Variants in LARGE1 observed in about 807,000 individuals in gnomAD.
The protein encoded by LARGE1 is xylosyl- and glucuronyltransferase LARGE1.
Under a neutral mutation model 87.6 loss-of-function variants are expected in LARGE1, and 43 were observed. The ratio of observed to expected loss-of-function variants is 0.49; its 90% CI spans 0.38 to 0.63. LARGE1 has a LOEUF of 0.63. LARGE1 is among the 30% of genes least tolerant of loss of function. The pLI is 0.00. For missense variants in LARGE1, 802 were observed against 1,000.2 expected (o/e 0.80, Z 2.67); for synonymous variants, 434 against 394.6 (o/e 1.10, Z -1.18).
intron 3 of LARGE1, among the ~76,000 whole-genome samples, chr22:33,650,143 C>T (rs1373282006): frequency 6.6e-6 from 1 of 152,208 alleles, no homozygotes; most frequent in African/African-American, 2.4e-5. Flanking sequence ...GTAGATTACG[C>T]CTTCTTATCC....
In LARGE1 at chr22:33,604,568, G is replaced by A. The variant is rs1452229191; in HGVS notation, c.492-10C>T. The A allele has an allele frequency of 9.3e-6, 15 of 1,613,954 alleles. No homozygotes were observed. The highest frequency in any genetic ancestry group is 1.3e-5 in the Non-Finnish European group (15 of 1,179,958). Reference sequence around the variant, plus strand: ...GTGCAGAGGGTTCCGTCTGTGGGGAGTGTGAGAAGGAAGGGTCAGGTGGAG... The same window carrying A: ...GTGCAGAGGGTTCCGTCTGTGGGGAATGTGAGAAGGAAGGGTCAGGTGGAG... On this transcript the variant is annotated splice_polypyrimidine_tract_variant and intron_variant, in intron 4 of 14. Transcript: ENST00000397394.
At chr22:33,565,087 T>A in intron 5 of LARGE1, 68 bp from the exon 6 acceptor site, 1 of 1,393,464 alleles carries the variant, frequency 7.2e-7, no homozygotes, top group Non-Finnish European at 1.0e-6. Flanking sequence ...ATTCTTTGCT[T>A]AAACATTATA....
At chr22:33,514,575 A>C (rs2071211772) in intron 6 of LARGE1, among the ~76,000 whole-genome samples, 1 of 152,250 alleles carries the variant, frequency 6.6e-6, no homozygotes, top group African/African-American at 2.4e-5. Context: ...GATTTAAAGT[A>C]TGCAGGAGAT....
chr22:33,226,919 C>T lies in LARGE1; in HGVS notation c.1731-60087G>A, dbSNP rs573221993. 9.5e-4 allele frequency among the ~76,000 whole-genome samples: 144 copies of T among 152,044 alleles called. 1 individual carries two copies. Among genetic ancestry groups the T allele is most frequent in the African/African-American group, 2.9e-3 (119 of 41,516 alleles). ...TAATTTTTTGTATTTTTAGTAGAGA[C>T]GGGGTTTCACCGTGTTAGCCAAGAT... is the stretch of plus-strand genomic sequence containing the variant. On this transcript the variant is annotated intron_variant, in intron 11 of 11. Transcript: ENST00000608642.
intron 2 of LARGE1, among the ~76,000 whole-genome samples, chr22:33,679,068 A>G (rs866963773): frequency 2.0e-3 from 298 of 152,304 alleles, no homozygotes; most frequent in African/African-American, 7.0e-3. Context: ...TCTCCAGATA[A>G]TATTTTTTGT....
At chr22:33,572,043 G>A (rs1569280464) in intron 5 of LARGE1, 4 of 424,200 alleles carry the variant, frequency 9.4e-6, no homozygotes, top group Admixed American at 6.6e-5. Flanking sequence ...AAGGGTAATA[G>A]TAGTATATCC....
chr22:33,562,198 A>AC (rs1244043585), intron 6 of LARGE1, among the ~76,000 whole-genome samples: 1 of 152,230 alleles, frequency 6.6e-6, no homozygotes, highest in Non-Finnish European at 1.5e-5. Flanking sequence ...AAACAATCAC[A>AC]CACATACAAA....
chr22:33,490,889 C>T (rs2148285856), intron 6 of LARGE1, among the ~76,000 whole-genome samples: 1 of 152,310 alleles, frequency 6.6e-6, no homozygotes, highest in African/African-American at 2.4e-5. Context: ...CTCTTCCTAC[C>T]ATTGTCGCCA....
chr22:33,919,908 G>C (rs998142228), intron 1 of LARGE1, 87 bp downstream of exon 1: 1 of 152,316 alleles, frequency 6.6e-6, no homozygotes, highest in Non-Finnish European at 1.5e-5. Context: ...CCGAGTACAG[G>C]GGGTACCAGC....
intron 1 of LARGE1, among the ~76,000 whole-genome samples, chr22:33,899,087 A>T (rs1307576258): frequency 1.3e-5 from 2 of 152,110 alleles, no homozygotes; most frequent in African/African-American, 2.4e-5. Context: ...AGCCATTCCC[A>T]TTTCAATTAC....
At chr22:33,648,677 T>C (rs1278255588) in intron 3 of LARGE1, among the ~76,000 whole-genome samples, 2 of 152,292 alleles carry the variant, frequency 1.3e-5, no homozygotes, top group East Asian at 3.9e-4. Context: ...CATAGAGATA[T>C]TAAGTAACAG....
chr22:33,113,196 C>G, the LARGE1 span, among the ~76,000 whole-genome samples: 659 of 148,076 alleles, frequency 4.5e-3, 7 homozygotes, highest in African/African-American at 0.016. Flanking sequence ...ATTTACGTCA[C>G]TTAATTATCT....
At chr22:33,447,326 A>G (rs534859578) in intron 6 of LARGE1, among the ~76,000 whole-genome samples, 1 of 152,344 alleles carries the variant, frequency 6.6e-6, no homozygotes, top group East Asian at 1.9e-4. Context: ...ATACACAAGC[A>G]TGGAGATGAG....
At chr22:33,341,983 C>T (rs149694914) in intron 9 of LARGE1, among the ~76,000 whole-genome samples, 16 of 152,284 alleles carry the variant, frequency 1.1e-4, no homozygotes, top group Admixed American at 3.3e-4. Flanking sequence ...AGAGTAGAGA[C>T]GGCTGGCAGG....
intron 5 of LARGE1, among the ~76,000 whole-genome samples, chr22:33,593,061 A>C (rs1051447924): frequency 6.6e-5 from 10 of 152,148 alleles, no homozygotes; most frequent in Non-Finnish European, 1.2e-4. Context: ...GGATGGTCTC[A>C]ATCTCTTGAC....
At chr22:33,580,207 C>T (rs1395355313) in intron 5 of LARGE1, among the ~76,000 whole-genome samples, 21 of 152,042 alleles carry the variant, frequency 1.4e-4, no homozygotes, top group Admixed American at 1.3e-3. Context: ...CCCATCTCTA[C>T]TACAAATACA....
At chr22:33,283,420 G>A (rs947459343) in intron 12 of LARGE1, 72 bp from the exon 13 acceptor site, 215 of 1,564,314 alleles carry the variant, frequency 1.4e-4, no homozygotes, top group Admixed American at 2.3e-4. Context: ...CCATGAGGGC[G>A]GGGTGGTCAT....
chr22:33,823,892 AC>A (rs2062707450), intron 1 of LARGE1, among the ~76,000 whole-genome samples: 1 of 152,106 alleles, frequency 6.6e-6, no homozygotes, highest in Admixed American at 6.5e-5. Flanking sequence ...CGAGAGCACC[AC>A]CCCACAGCCC....
intron 9 of LARGE1, among the ~76,000 whole-genome samples, chr22:33,338,637 T>C (rs1017430588): frequency 2.6e-5 from 4 of 152,162 alleles, no homozygotes; most frequent in African/African-American, 4.8e-5. Context: ...TTTTGAAAAA[T>C]AAACAAGTTC....
Sources: gnomAD v4.1 joint callset for allele counts (sites outside exome capture counted in the v4.1 genomes callset) on GRCh38, gnomAD v4.1.1 for gene constraint, MANE v1.5 for transcripts, NCBI Gene and HGNC (gene_info 2026-07-23, HGNC 2026-07-21) for gene names.